The following CTDSPL variants were observed in gnomAD, a reference collection of about 807,000 sequenced individuals.
CTDSPL encodes the protein CTD small phosphatase like, also known as CTD small phosphatase-like protein.
In CTDSPL, 8 loss-of-function variants were observed where a neutral mutation model predicts 30.5. That is an observed-to-expected ratio of 0.26 (90% CI 0.15 to 0.47). The LOEUF (loss-of-function observed/expected upper bound fraction) is 0.47. Among genes scored for constraint, CTDSPL ranks in the 20% least tolerant of loss-of-function variants. The probability of loss-of-function intolerance (pLI) is 0.99; values close to 1 mark genes in which losing one functional copy is unlikely to be tolerated. For missense variants in CTDSPL, 248 were observed against 366.1 expected (o/e 0.68, Z 2.63); for synonymous variants, 110 against 137.9 (o/e 0.80, Z 1.42).
intron 1 of CTDSPL, among the ~76,000 whole-genome samples, chr3:37,882,364 C>T (rs528531596): frequency 1.6e-4 from 25 of 151,598 alleles, no homozygotes; most frequent in Non-Finnish European, 2.5e-4. Context: ...ATGGCATGAA[C>T]CCAGGAGACA....
intron 1 of CTDSPL, among the ~76,000 whole-genome samples, chr3:37,918,397 C>G (rs1048775318): frequency 2.0e-5 from 3 of 152,192 alleles, no homozygotes; most frequent in Admixed American, 6.5e-5. Flanking sequence ...GTGTCTGCTC[C>G]AGAAAGCTGG....
chr3:37,974,020 T>C (rs927877421), intron 6 of CTDSPL, among the ~76,000 whole-genome samples: 1 of 152,254 alleles, frequency 6.6e-6, no homozygotes, highest in African/African-American at 2.4e-5. Context: ...CAACACAAAT[T>C]CGTAAACTTT....
intron 2 of CTDSPL, among the ~76,000 whole-genome samples, chr3:37,956,747 T>C (rs150129023): frequency 1.3e-5 from 2 of 152,340 alleles, no homozygotes; most frequent in East Asian, 3.9e-4. Flanking sequence ...AAAAACTTGC[T>C]TAAAAGAAAA....
chr3:37,952,026 A>G (rs185152720), intron 2 of CTDSPL, among the ~76,000 whole-genome samples: 21 of 152,222 alleles, frequency 1.4e-4, no homozygotes, highest in African/African-American at 5.1e-4. Context: ...AAGTAAAAGA[A>G]AACTGCTGGG....
chr3:37,891,471 C>T (rs1698324851), intron 1 of CTDSPL, among the ~76,000 whole-genome samples: 1 of 152,252 alleles, frequency 6.6e-6, no homozygotes, highest in African/African-American at 2.4e-5. Context: ...AGCGAGGACA[C>T]AGCTGTTTGT....
At chr3:37,915,708 A>G (rs1407786923) in intron 1 of CTDSPL, among the ~76,000 whole-genome samples, 1 of 152,052 alleles carries the variant, frequency 6.6e-6, no homozygotes, top group Non-Finnish European at 1.5e-5. Context: ...TAGTTTTTTT[A>G]TTTAAAAATC....
At chr3:37,878,856 A>G (rs1411190770) in intron 1 of CTDSPL, among the ~76,000 whole-genome samples, 1 of 152,246 alleles carries the variant, frequency 6.6e-6, no homozygotes, top group Admixed American at 6.5e-5. Flanking sequence ...ATAAGATAAG[A>G]TAAATAAGCA....
intron 1 of CTDSPL, among the ~76,000 whole-genome samples, chr3:37,927,346 G>A (rs1012593798): frequency 6.6e-6 from 1 of 151,958 alleles, no homozygotes; most frequent in Non-Finnish European, 1.5e-5. Context: ...ATGTGTTTAA[G>A]GTATATATGA....
At chr3:37,917,865 C>T (rs978453456) in intron 1 of CTDSPL, among the ~76,000 whole-genome samples, 56 of 152,204 alleles carry the variant, frequency 3.7e-4, no homozygotes, top group African/African-American at 1.2e-3. Context: ...CAGCAGATAT[C>T]GGAGAAAATT....
intron 1 of CTDSPL, among the ~76,000 whole-genome samples, chr3:37,946,033 T>A (rs1699033044): frequency 6.6e-6 from 1 of 152,238 alleles, no homozygotes; most frequent in African/African-American, 2.4e-5. Flanking sequence ...TGGACTTAAA[T>A]CATTTCCTGC....
rs1037927187 is a variant in CTDSPL, at chr3:37,942,742, A to T, written c.80-4315A>T. Among the ~76,000 whole-genome samples the T allele has an allele frequency of 1.3e-4, 19 of 150,442 alleles. 2 individuals carry two copies. Among genetic ancestry groups the T allele is most frequent in the African/African-American group, 2.9e-4 (12 of 41,316 alleles). Reference sequence around the variant, plus strand: ...ACAAACCCTAAGATGGGTATTTATTATCCCCATTTTACAGATAAAGAAACT... The same window carrying T: ...ACAAACCCTAAGATGGGTATTTATTTTCCCCATTTTACAGATAAAGAAACT... On this transcript the variant is annotated intron_variant, in intron 1 of 7. Transcript: ENST00000273179.
chr3:37,868,140 C>T (rs1050171370), intron 1 of CTDSPL, among the ~76,000 whole-genome samples: 45 of 151,896 alleles, frequency 3.0e-4, no homozygotes, highest in African/African-American at 9.7e-5. Context: ...TAGCTTATTA[C>T]GGTTTTAATT....
chr3:37,865,088 A>G (rs1354699030), intron 1 of CTDSPL, among the ~76,000 whole-genome samples: 2 of 152,226 alleles, frequency 1.3e-5, no homozygotes, highest in African/African-American at 2.4e-5. Context: ...TTCTTGACAC[A>G]TTGCCACGTG....
chr3:37,923,702 A>G (rs9815006), intron 1 of CTDSPL, among the ~76,000 whole-genome samples: 47,146 of 152,018 alleles, frequency 0.31, 9,300 homozygotes, highest in African/African-American at 0.56. Flanking sequence ...ATAGGCTGTC[A>G]GCAATGACAT....
chr3:37,919,020 T>C (rs1233156982), intron 1 of CTDSPL, among the ~76,000 whole-genome samples: 1 of 152,166 alleles, frequency 6.6e-6, no homozygotes, highest in Non-Finnish European at 1.5e-5. Context: ...TGTGTAATAG[T>C]GGTTGTTAAA....
intron 1 of CTDSPL, among the ~76,000 whole-genome samples, chr3:37,912,409 G>C (rs1364979665): frequency 6.6e-6 from 1 of 152,208 alleles, no homozygotes; most frequent in East Asian, 1.9e-4. Context: ...AGGAATCTCT[G>C]GGTGAGGGAG....
chr3:37,867,756 A>G (rs1049898717), intron 1 of CTDSPL, among the ~76,000 whole-genome samples: 1 of 152,202 alleles, frequency 6.6e-6, no homozygotes, highest in East Asian at 1.9e-4. Flanking sequence ...ATAATTGTAT[A>G]TTTCATTATC....
rs144831748 is a variant in CTDSPL at position 37,902,303 on chromosome 3, A to G, written c.79+40025A>G. 1.3e-4 allele frequency among the ~76,000 whole-genome samples: 20 copies of G among 152,224 alleles called. 1 individual carries two copies. The East Asian group carries it at 3.9e-3, about 29-fold the overall frequency. ...AAGCTCAGTTTCCTCTGGTAATAAT[A>G]TCTCCCTATTCTAGTCAGGCTCTTT... On this transcript the variant is annotated intron_variant, in intron 1 of 7. Coordinates refer to ENST00000273179, the MANE Select transcript of CTDSPL (RefSeq NM_001008392.2).
At chr3:37,979,175 T>G (rs1444143249) in intron 7 of CTDSPL, among the ~76,000 whole-genome samples, 4 of 152,154 alleles carry the variant, frequency 2.6e-5, no homozygotes, top group African/African-American at 9.7e-5. Flanking sequence ...ATCACTTGAA[T>G]GCCAGGCTTG....
Sources: allele counts gnomAD v4.1 joint callset (sites outside exome capture counted in the v4.1 genomes callset), GRCh38; gene constraint gnomAD v4.1.1; transcripts MANE v1.5; gene names NCBI Gene and HGNC (gene_info 2026-07-23, HGNC 2026-07-21).